Variants in PCDH7 observed in about 807,000 individuals in gnomAD.
The protein encoded by PCDH7 is protocadherin-7.
Under a neutral mutation model 58.9 loss-of-function variants are expected in PCDH7, and 17 were observed. The ratio of observed to expected loss-of-function variants is 0.29; its 90% confidence interval spans 0.20 to 0.43. The LOEUF is 0.43. PCDH7 is among the 20% of genes least tolerant of loss of function. PCDH7 has a pLI of 1.00. For synonymous variants in PCDH7, 664 were observed against 616.4 expected, an observed-to-expected ratio of 1.08 and a Z score of -1.14; for missense variants, 1,274 against 1,441.0, an observed-to-expected ratio of 0.88 and a Z score of 1.88.
intron 3 of PCDH7, among the ~76,000 whole-genome samples, chr4:31,056,393 AAGGAAAGG>A: frequency 6.8e-6 from 1 of 147,428 alleles, no homozygotes; most frequent in Non-Finnish European, 1.5e-5. Flanking sequence ...AGAAGGAAAG[AAGGAAAGG>A]AAGAAAGAAA....
chr4:30,967,343 A>C (rs1379417241), intron 3 of PCDH7, among the ~76,000 whole-genome samples: 1 of 152,174 alleles, frequency 6.6e-6, no homozygotes, highest in Non-Finnish European at 1.5e-5. Context: ...GATAGCTTCT[A>C]AAATTGGGCC....
At chr4:31,124,411 A>G (rs1237313428) in intron 3 of PCDH7, among the ~76,000 whole-genome samples, 1 of 152,192 alleles carries the variant, frequency 6.6e-6, no homozygotes, top group Non-Finnish European at 1.5e-5. Flanking sequence ...TTGTTCAGAT[A>G]CCTGAGTGTT....
chr4:30,972,566 A>G (rs1224090285), intron 3 of PCDH7, among the ~76,000 whole-genome samples: 1 of 152,216 alleles, frequency 6.6e-6, no homozygotes, highest in Non-Finnish European at 1.5e-5. Context: ...AGCCTCTTAC[A>G]AAGAGTGAGG....
intron 1 of PCDH7, among the ~76,000 whole-genome samples, chr4:30,763,549 G>C (rs1398228483): frequency 6.6e-6 from 1 of 152,208 alleles, no homozygotes; most frequent in African/African-American, 2.4e-5. Flanking sequence ...CAGTAAATCA[G>C]TGTTTCACTA....
At chr4:30,996,842 G>T (rs1215976470) in intron 3 of PCDH7, among the ~76,000 whole-genome samples, 3 of 152,146 alleles carry the variant, frequency 2.0e-5, no homozygotes, top group Non-Finnish European at 4.4e-5. Flanking sequence ...CTTTTTCAAA[G>T]CTAATAATCC....
intron 1 of PCDH7, among the ~76,000 whole-genome samples, chr4:30,794,209 T>C (rs1200043738): frequency 6.6e-6 from 1 of 152,214 alleles, no homozygotes; most frequent in Non-Finnish European, 1.5e-5. Flanking sequence ...AATATTGGAC[T>C]ATAAAAAACA....
intron 3 of PCDH7, among the ~76,000 whole-genome samples, chr4:31,073,383 A>G (rs1209687886): frequency 6.6e-6 from 1 of 152,190 alleles, no homozygotes; most frequent in Admixed American, 6.6e-5. Context: ...CCAAGTAGAG[A>G]TTATAATGTG....
At chr4:30,931,465 C>T (rs921593232) in intron 2 of PCDH7, among the ~76,000 whole-genome samples, 6 of 152,044 alleles carry the variant, frequency 3.9e-5, no homozygotes, top group Admixed American at 3.3e-4. Flanking sequence ...ATCCCAGCTA[C>T]GCGGGAGGCT....
At chr4:31,138,175 G>A (rs1380813337) in intron 3 of PCDH7, among the ~76,000 whole-genome samples, 1 of 152,046 alleles carries the variant, frequency 6.6e-6, no homozygotes, top group Non-Finnish European at 1.5e-5. Flanking sequence ...ACTTCTTGTT[G>A]AGGTCATTGT....
At chr4:30,787,302 A>C (rs1221829377) in intron 1 of PCDH7, among the ~76,000 whole-genome samples, 1 of 152,104 alleles carries the variant, frequency 6.6e-6, no homozygotes, top group African/African-American at 2.4e-5. Context: ...ATCAACAAAG[A>C]AAATGGAAAT....
At chr4:30,848,534 A>C (rs1217223309) in intron 1 of PCDH7, among the ~76,000 whole-genome samples, 2 of 152,116 alleles carry the variant, frequency 1.3e-5, no homozygotes, top group Non-Finnish European at 2.9e-5. Flanking sequence ...TGTGTGCCTA[A>C]ATGAATACTT....
At chr4:31,011,782 A>T (rs1035594093) in intron 3 of PCDH7, among the ~76,000 whole-genome samples, 2 of 152,084 alleles carry the variant, frequency 1.3e-5, no homozygotes, top group African/African-American at 4.8e-5. Context: ...GTTTGGGGCT[A>T]TACTAAAGGA....
At chr4:31,071,871 A>G (rs1334116713) in intron 3 of PCDH7, among the ~76,000 whole-genome samples, 1 of 152,098 alleles carries the variant, frequency 6.6e-6, no homozygotes, top group Non-Finnish European at 1.5e-5. Context: ...GACAGGATAC[A>G]TGCTTTTCTG....
chr4:31,024,084 G>A (rs1376442997), intron 3 of PCDH7, among the ~76,000 whole-genome samples: 3 of 152,190 alleles, frequency 2.0e-5, no homozygotes, highest in African/African-American at 7.2e-5. Flanking sequence ...CTGTGATGTG[G>A]AAGGGTAGTG....
At chr4:30,931,581 AT>A (rs1380899060) in intron 2 of PCDH7, among the ~76,000 whole-genome samples, 1 of 151,662 alleles carries the variant, frequency 6.6e-6, no homozygotes, top group Admixed American at 6.6e-5. Context: ...TCTCAAAAAA[AT>A]ATATATATAA....
At chr4:30,920,165 G>T in exon 2 of PCDH7, 1 of 1,367,528 alleles carries the variant, frequency 7.3e-7, no homozygotes, top group Non-Finnish European at 9.8e-7. Flanking sequence ...ATTTCGTAGA[G>T]TGACGTTTTC....
chr4:31,122,177 CCTGAAT>C (rs1383370115), intron 3 of PCDH7, among the ~76,000 whole-genome samples: 1 of 152,048 alleles, frequency 6.6e-6, no homozygotes, highest in Non-Finnish European at 1.5e-5. Flanking sequence ...TATTCTGAAT[CCTGAAT>C]CTGACTGCAA....
intron 1 of PCDH7, among the ~76,000 whole-genome samples, chr4:30,906,809 G>T (rs1010054909): frequency 6.6e-6 from 1 of 152,070 alleles, no homozygotes; most frequent in Non-Finnish European, 1.5e-5. Flanking sequence ...GATCACCTGA[G>T]GTCAGGAGTT....
At chr4:30,729,485 T>C (rs1489255688) in intron 1 of PCDH7, among the ~76,000 whole-genome samples, 2 of 151,906 alleles carry the variant, frequency 1.3e-5, no homozygotes, top group African/African-American at 4.8e-5. Flanking sequence ...TAACATAGAG[T>C]AAAGCATCTT....
Sources: gnomAD v4.1 joint callset for allele counts (sites outside exome capture counted in the v4.1 genomes callset) on GRCh38, gnomAD v4.1.1 for gene constraint, MANE v1.5 for transcripts, NCBI Gene and HGNC (gene_info 2026-07-23, HGNC 2026-07-21) for gene names.